Variants in RAB11FIP4 observed in about 807,000 individuals in gnomAD.
RAB11FIP4 encodes the protein rab11 family-interacting protein 4.
Under a neutral mutation model 74.3 loss-of-function variants are expected in RAB11FIP4, and 23 were observed. That is an observed-to-expected ratio of 0.31 (90% CI 0.22 to 0.44). The LOEUF is 0.44. RAB11FIP4 is among the 20% of genes least tolerant of loss of function. The pLI, the probability that RAB11FIP4 is intolerant of heterozygous loss-of-function variation, is 1.00. For missense variants in RAB11FIP4, 630 were observed against 863.9 expected, an observed-to-expected ratio of 0.73 and a Z score of 3.39; for synonymous variants, 360 against 359.9, an observed-to-expected ratio of 1.00 and a Z score of 0.00.
intron 1 of RAB11FIP4, among the ~76,000 whole-genome samples, chr17:31,408,142 A>G (rs2071059638): frequency 6.6e-6 from 1 of 152,036 alleles, no homozygotes; most frequent in Non-Finnish European, 1.5e-5. Context: ...TTTGTTTTTA[A>G]TGCAACATTA....
At chr17:31,406,907 T>C (rs1303201132) in intron 1 of RAB11FIP4, among the ~76,000 whole-genome samples, 66 of 152,156 alleles carry the variant, frequency 4.3e-4, no homozygotes, top group Non-Finnish European at 1.5e-5. Flanking sequence ...TCTGATTATA[T>C]CTATCACTTC....
intron 1 of RAB11FIP4, among the ~76,000 whole-genome samples, chr17:31,410,993 C>T (rs1165659361): frequency 6.6e-6 from 1 of 152,216 alleles, no homozygotes; most frequent in Non-Finnish European, 1.5e-5. Context: ...ATGAGAATCC[C>T]TCCCATCTTT....
intron 3 of RAB11FIP4, among the ~76,000 whole-genome samples, chr17:31,476,172 C>CTTTTTTTTTTTT (rs71369069): frequency 1.4e-4 from 9 of 63,566 alleles, no homozygotes; most frequent in African/African-American, 3.6e-4. Flanking sequence ...ATCGACTGAA[C>CTTTTTTTTTTTT]TTTTTTTTTT....
rs765125905 is a variant in RAB11FIP4, at chr17:31,531,913, G to A, written c.*181G>A. 4.1e-5 allele frequency: 24 copies of A among 583,974 alleles called. No individual in the cohort carries two copies. The highest frequency in any genetic ancestry group is 6.1e-5 in the Admixed American group (2 of 32,548). The allele number at this position is 583,974 out of a possible 1,614,324, so 36.2% of individuals were successfully genotyped here. On this transcript the variant is annotated 3_prime_UTR_variant, in exon 15 of 15. Transcript: ENST00000621161. ...GCACACGAGCGAGGGGTGAGTGGCC[G>A]TGGCTGTGGGCAGCATCCACACGGT...
At position 31,517,874 on chromosome 17, in the gene RAB11FIP4, A is replaced by G. The variant is rs564622329; in HGVS notation, c.560A>G (p.Asp187Gly). 6.4e-7 allele frequency: 1 copy of G among 1,551,356 alleles called. No homozygotes were observed. The highest frequency in any genetic ancestry group is 1.4e-5 in the African/African-American group (1 of 73,136). The stretch of plus-strand genomic sequence containing the variant: ...CTTGGGGGCCTGTTTCTGCCAGAAG[A>G]CAAGTGAGTTAAAACCACCTGAAGC... ...GGLGGLFLPEDKSLVHTPSMT... is the reference protein window; with the variant it reads ...GGLGGLFLPEGKSLVHTPSMT... Residue 187 changes from aspartate (D) to glycine (G), a missense_variant, in exon 4 of 15, where the codon GAC becomes GGC. Transcript: ENST00000621161.
chr17:31,525,023 G>A lies in RAB11FIP4; in HGVS notation c.1134-67G>A, dbSNP rs185980864. The A allele has an allele frequency of 4.2e-4, 651 of 1,545,648 alleles. 3 individuals carry two copies. In the East Asian group the frequency reaches 0.012, roughly 29 times the overall value. Reference sequence around the variant, plus strand: ...AGGGTCTCGGGGCCCAGGGTCCCCCGTGCCACAGCCTGGGTTGGGGTGAAA... The same window carrying A: ...AGGGTCTCGGGGCCCAGGGTCCCCCATGCCACAGCCTGGGTTGGGGTGAAA... On this transcript the variant is annotated intron_variant, in intron 9 of 14. Coordinates refer to ENST00000621161, the MANE Select transcript of RAB11FIP4 (RefSeq NM_032932.6).
intron 3 of RAB11FIP4, among the ~76,000 whole-genome samples, chr17:31,462,712 C>G (rs151128789): frequency 1.4e-4 from 22 of 152,316 alleles, no homozygotes; most frequent in African/African-American, 5.1e-4. Context: ...TTTTGGCTCA[C>G]TGCAACCTCC....
intron 1 of RAB11FIP4, among the ~76,000 whole-genome samples, chr17:31,409,611 C>G (rs756244192): frequency 6.6e-6 from 1 of 152,164 alleles, no homozygotes; most frequent in East Asian, 1.9e-4. Flanking sequence ...TTAGCCCAAG[C>G]TCTCTTGGTT....
In RAB11FIP4 at chr17:31,512,179, C is replaced by G. The variant is rs8066440; in HGVS notation, c.337-5472C>G. 0.58 allele frequency among the ~76,000 whole-genome samples: 88,522 copies of G among 152,062 alleles called. 26,381 individuals are homozygous for G. Among genetic ancestry groups the G allele is most frequent in the East Asian group, 0.89 (4,599 of 5,160 alleles). ...GACCCATGGCTGTAGGAATAGCTCA[C>G]CCTCTGTTGCCTGTAGCCCCTCGTG... On this transcript the variant is annotated intron_variant, in intron 3 of 14. Coordinates refer to ENST00000621161, the MANE Select transcript of RAB11FIP4 (RefSeq NM_032932.6). The surrounding 1 kb of genome is among the most constrained non-coding windows in gnomAD (Gnocchi z 4.1).
chr17:31,434,014 GT>G lies in RAB11FIP4; in HGVS notation c.248-19del, dbSNP rs1252506992. 10 of 1,569,454 alleles carry G rather than the reference GT, an allele frequency of 6.4e-6. No homozygotes were observed. The highest frequency in any genetic ancestry group is 7.7e-6 in the Non-Finnish European group (9 of 1,165,976). On this transcript the variant is annotated intron_variant, in intron 2 of 14. Transcript: ENST00000621161. ...GAGGCTCAACCCCTCACTGTCCCGT[GT>G]GTCTGCCTGTCTGCGCAGGGTGCGA...
At chr17:31,446,313 C>T (rs1312610503) in intron 3 of RAB11FIP4, among the ~76,000 whole-genome samples, 1 of 152,040 alleles carries the variant, frequency 6.6e-6, no homozygotes. Context: ...ATCTAAACAC[C>T]CCTTGCAGCT....
At chr17:31,444,602 A>G (rs1470441905) in intron 3 of RAB11FIP4, among the ~76,000 whole-genome samples, 1 of 152,106 alleles carries the variant, frequency 6.6e-6, no homozygotes, top group African/African-American at 2.4e-5. Context: ...GCTGGCCAGC[A>G]AGTGCTACTT....
intron 3 of RAB11FIP4, among the ~76,000 whole-genome samples, chr17:31,484,071 C>CTTTTTTT (rs530656307): frequency 8.6e-6 from 1 of 115,854 alleles, no homozygotes; most frequent in African/African-American, 3.3e-5. Context: ...AAGATCTTAT[C>CTTTTTTT]TTTTTTTTTT....
chr17:31,396,983 G>T (rs2070937525), intron 1 of RAB11FIP4, among the ~76,000 whole-genome samples: 1 of 152,130 alleles, frequency 6.6e-6, no homozygotes, highest in Non-Finnish European at 1.5e-5. Flanking sequence ...GTGCCACTTG[G>T]GTTAAGCCTG....
At chr17:31,522,481 AG>A in intron 7 of RAB11FIP4, 86 bp downstream of exon 7, 1 of 1,346,416 alleles carries the variant, frequency 7.4e-7, no homozygotes, top group Non-Finnish European at 1.1e-6. Context: ...GCCCGGACTC[AG>A]CTGGTGCCCG....
chr17:31,505,508 AT>A (rs1567681156), intron 3 of RAB11FIP4, among the ~76,000 whole-genome samples: 1 of 61,742 alleles, frequency 1.6e-5, no homozygotes, highest in Non-Finnish European at 3.3e-5. Flanking sequence ...ATTATATTAT[AT>A]ATAATAATTA....
intron 3 of RAB11FIP4, among the ~76,000 whole-genome samples, chr17:31,505,479 TA>T (rs56710439): frequency 5.1e-5 from 3 of 58,406 alleles, no homozygotes; most frequent in Admixed American, 2.8e-4. Context: ...ATAATAATTA[TA>T]ATATATAATA....
At chr17:31,394,809 G>GTT (rs1307800971) in intron 1 of RAB11FIP4, among the ~76,000 whole-genome samples, 2 of 151,890 alleles carry the variant, frequency 1.3e-5, no homozygotes, top group Non-Finnish European at 2.9e-5. Flanking sequence ...TGTAGGGGTG[G>GTT]TTTTCGGCTT....
rs772976771 is a variant in RAB11FIP4 at position 31,521,163 on chromosome 17, C to T, written c.564-3C>T. 8.3e-6 allele frequency: 13 copies of T among 1,564,684 alleles called. No homozygotes were observed. The South Asian group carries it at 1.3e-4, about 16-fold the overall frequency. On this transcript the variant is annotated splice_polypyrimidine_tract_variant and splice_region_variant and intron_variant, in intron 4 of 14. Transcript: ENST00000621161. ...TCTGACTTGGGTGCTCTCGGACCCT[C>T]AGGTCCCTGGTCCACACTCCATCCA... is the stretch of plus-strand genomic sequence containing the variant.
Sources: allele counts gnomAD v4.1 joint callset (sites outside exome capture counted in the v4.1 genomes callset), GRCh38; gene constraint gnomAD v4.1.1; non-coding constraint Gnocchi (gnomAD v3.1); transcripts MANE v1.5; gene names NCBI Gene and HGNC (gene_info 2026-07-23, HGNC 2026-07-21).